Variants in IQSEC1 observed in about 807,000 individuals in gnomAD.
IQSEC1 encodes the protein IQ motif and Sec7 domain ArfGEF 1, also known as IQ motif and SEC7 domain-containing protein 1.
Under a neutral mutation model 91.0 loss-of-function variants are expected in IQSEC1, and 31 were observed. The ratio of observed to expected loss-of-function variants is 0.34; its 90% CI spans 0.26 to 0.46. The LOEUF is 0.46. Among genes scored for constraint, IQSEC1 ranks in the 20% least tolerant of loss-of-function variants. IQSEC1 has a pLI of 1.00. For missense variants in IQSEC1, 1,388 were observed against 1,575.6 expected (o/e 0.88, Z 2.02); for synonymous variants, 699 against 662.6 (o/e 1.05, Z -0.84).
chr3:12,981,024 A>C (rs1001945910), intron 1 of IQSEC1, among the ~76,000 whole-genome samples: 7 of 152,148 alleles, frequency 4.6e-5, no homozygotes, highest in African/African-American at 1.2e-4. Context: ...GTTTCTGTCA[A>C]CTGCAACCCA....
chr3:13,002,341 C>T (rs778713452), intron 1 of IQSEC1, among the ~76,000 whole-genome samples: 3 of 152,084 alleles, frequency 2.0e-5, no homozygotes, highest in Non-Finnish European at 2.9e-5. Flanking sequence ...ATAAATTGGA[C>T]TTCATGAAAA....
chr3:13,163,964 C>T (rs1244262484), intron 2 of IQSEC1, among the ~76,000 whole-genome samples: 1 of 152,204 alleles, frequency 6.6e-6, no homozygotes, highest in Admixed American at 6.5e-5. Context: ...TTGGGGCACA[C>T]GCCAGGGCTG....
At chr3:13,106,004 C>A (rs1042697933) in intron 2 of IQSEC1, among the ~76,000 whole-genome samples, 74 of 152,336 alleles carry the variant, frequency 4.9e-4, no homozygotes, top group African/African-American at 1.6e-3. Flanking sequence ...CAGCCCTGGG[C>A]TGGTTCCTTC....
intron 2 of IQSEC1, among the ~76,000 whole-genome samples, chr3:13,150,712 G>A (rs984574379): frequency 1.3e-5 from 2 of 152,184 alleles, no homozygotes; most frequent in African/African-American, 4.8e-5. Flanking sequence ...GGTGGGAGCT[G>A]AGTGTGGCTC....
intron 2 of IQSEC1, among the ~76,000 whole-genome samples, chr3:13,104,842 C>T (rs544922098): frequency 6.6e-6 from 1 of 152,300 alleles, no homozygotes; most frequent in African/African-American, 2.4e-5. Context: ...GGGGGTGAAA[C>T]AAGCAGCGTG....
chr3:13,272,515 T>G (rs1273398595), intron 1 of IQSEC1, among the ~76,000 whole-genome samples: 1 of 152,218 alleles, frequency 6.6e-6, no homozygotes, highest in Non-Finnish European at 1.5e-5. Context: ...ATCTGTTGAC[T>G]CCTTAGCCCA....
chr3:13,032,819 C>T (rs986584936), intron 1 of IQSEC1, among the ~76,000 whole-genome samples: 3 of 152,092 alleles, frequency 2.0e-5, no homozygotes, highest in Admixed American at 2.0e-4. Flanking sequence ...CTCCTGACCT[C>T]GTGATCCGCC....
chr3:13,016,707 C>T (rs1703149158), intron 1 of IQSEC1, among the ~76,000 whole-genome samples: 1 of 152,204 alleles, frequency 6.6e-6, no homozygotes, highest in Non-Finnish European at 1.5e-5. Flanking sequence ...CAACGCAAGG[C>T]CACCACTGCA....
rs535913384 is a variant in IQSEC1, at chr3:13,096,662, G to T, written c.303-49140C>A. ...TGAGCAAAGGCACGGCAGCCTCCTG[G>T]TGCTTCCGAAGACCATGCTGGCAAA... is the stretch of plus-strand genomic sequence containing the variant. On this transcript the variant is annotated intron_variant, in intron 2 of 15. Transcript: ENST00000648114. 3.3e-5 allele frequency among the ~76,000 whole-genome samples: 5 copies of T among 152,270 alleles called. No homozygotes were observed. The South Asian group carries it at 8.3e-4, about 25-fold the overall frequency.
intron 1 of IQSEC1, among the ~76,000 whole-genome samples, chr3:12,974,687 C>G (rs985320709): frequency 1.3e-5 from 2 of 152,262 alleles, no homozygotes; most frequent in Non-Finnish European, 2.9e-5. Flanking sequence ...TAAACTCCCC[C>G]CAACACACTG....
chr3:13,034,839 G>A (rs1037191661), intron 1 of IQSEC1, among the ~76,000 whole-genome samples: 2 of 152,234 alleles, frequency 1.3e-5, no homozygotes, highest in African/African-American at 4.8e-5. Context: ...GCTAATGCTC[G>A]CCATCGCAGG....
chr3:13,277,886 C>G (rs531215641), intron 1 of IQSEC1, among the ~76,000 whole-genome samples: 96 of 152,260 alleles, frequency 6.3e-4, no homozygotes, highest in African/African-American at 2.2e-3. Context: ...CCGCCCCTGG[C>G]CCAGCATTGG....
At chr3:12,948,153 G>A (rs567685935) in intron 1 of IQSEC1, among the ~76,000 whole-genome samples, 1 of 152,376 alleles carries the variant, frequency 6.6e-6, no homozygotes, top group Non-Finnish European at 1.5e-5. Flanking sequence ...CTACTTCACA[G>A]GACTGTGAAG....
intron 1 of IQSEC1, chr3:13,022,318 C>T: frequency 8.3e-7 from 1 of 1,206,320 alleles, no homozygotes; most frequent in Non-Finnish European, 1.0e-6. Flanking sequence ...CCCCACTATC[C>T]ACCGGCCAGC....
chr3:13,183,208 A>T (rs971249527), intron 1 of IQSEC1, among the ~76,000 whole-genome samples: 38 of 145,828 alleles, frequency 2.6e-4, no homozygotes, highest in Admixed American at 8.4e-4. Flanking sequence ...CAAACAAACA[A>T]ACATAAATAA....
At chr3:13,161,065 C>CG (rs796234567) in intron 2 of IQSEC1, among the ~76,000 whole-genome samples, 7 of 152,240 alleles carry the variant, frequency 4.6e-5, no homozygotes, top group African/African-American at 7.2e-5. Flanking sequence ...AAGGGATCTT[C>CG]GGGGGGTGGA....
chr3:13,277,680 C>T (rs536119040), intron 1 of IQSEC1, among the ~76,000 whole-genome samples: 1 of 152,330 alleles, frequency 6.6e-6, no homozygotes, highest in South Asian at 2.1e-4. Flanking sequence ...CAGCACTGGA[C>T]ACGGGCTTTA....
intron 1 of IQSEC1, among the ~76,000 whole-genome samples, chr3:13,178,630 G>A (rs563210927): frequency 6.6e-6 from 1 of 152,218 alleles, no homozygotes; most frequent in Non-Finnish European, 1.5e-5. Context: ...AGAGATCTCA[G>A]GTGGCAGGCA....
chr3:12,899,479 G>C lies in IQSEC1; in HGVS notation c.*1504C>G, dbSNP rs375323064. 1.1e-5 allele frequency: 18 copies of C among 1,595,046 alleles called. 1 individual carries two copies. The highest frequency in any genetic ancestry group is 1.7e-4 in the Middle Eastern group (1 of 6,032). ...GGTGACTCGGGCACAGACCTGCCGC[G>C]TGCAGGTCTGGCCCTGGGGAGCGCA... On this transcript the variant is annotated 3_prime_UTR_variant, in exon 14 of 14. Coordinates refer to ENST00000613206, the MANE Select transcript of IQSEC1 (RefSeq NM_001134382.3).
Sources: allele counts gnomAD v4.1 joint callset (sites outside exome capture counted in the v4.1 genomes callset), GRCh38; gene constraint gnomAD v4.1.1; transcripts MANE v1.5; gene names NCBI Gene and HGNC (gene_info 2026-07-23, HGNC 2026-07-21).